Variants in HTR4 observed in about 807,000 individuals in gnomAD.
HTR4 encodes 5-hydroxytryptamine (serotonin) receptor 4, G protein-coupled.
In HTR4, 16 loss-of-function variants were observed where a neutral mutation model predicts 36.8. The observed-to-expected ratio is 0.43, with a 90% CI of 0.29 to 0.66. The LOEUF is 0.66. HTR4 is among the 30% of genes least tolerant of loss of function. The pLI is 0.13. For missense variants in HTR4, 438 were observed against 490.9 expected (o/e 0.89, Z 1.02); for synonymous variants, 189 against 185.1 (o/e 1.02, Z -0.17).
At chr5:148,452,529 A>G (rs1338420358) in intron 5 of HTR4, among the ~76,000 whole-genome samples, 2 of 152,194 alleles carry the variant, frequency 1.3e-5, no homozygotes, top group East Asian at 3.9e-4. Context: ...GTGTTGTACG[A>G]TACATAGCAC....
intron 2 of HTR4, among the ~76,000 whole-genome samples, chr5:148,590,287 C>CTTTTTTTTTTTTTTTTTTTTTTTTTTT (rs779077579): frequency 3.6e-4 from 12 of 33,336 alleles, no homozygotes; most frequent in East Asian, 1.8e-3. Flanking sequence ...TTTTTCTTTT[C>CTTTTTTTTTTTTTTTTTTTTTTTTTTT]TTTTTTTTTT....
intron 6 of HTR4, among the ~76,000 whole-genome samples, chr5:148,501,550 G>T (rs1756934025): frequency 6.6e-6 from 1 of 152,174 alleles, no homozygotes; most frequent in South Asian, 2.1e-4. Context: ...ATTAATTTTA[G>T]AATTTGTTAA....
chr5:148,515,931 T>G (rs148557745), intron 5 of HTR4, among the ~76,000 whole-genome samples: 2,165 of 151,644 alleles, frequency 0.014, 26 homozygotes, highest in Middle Eastern at 0.049. Context: ...TGAATTCAAA[T>G]AGAATACTGA....
chr5:148,486,853 C>CTTT (rs1756182478), intron 6 of HTR4, among the ~76,000 whole-genome samples: 1 of 152,066 alleles, frequency 6.6e-6, no homozygotes, highest in Admixed American at 6.6e-5. Flanking sequence ...AGCTGTTAAA[C>CTTT]GTATTTGGGT....
At chr5:148,469,596 G>A (rs1240889382) in intron 5 of HTR4, among the ~76,000 whole-genome samples, 1 of 152,180 alleles carries the variant, frequency 6.6e-6, no homozygotes, top group Non-Finnish European at 1.5e-5. Flanking sequence ...CGGGGGTTGT[G>A]TTTGTTTGGT....
chr5:148,511,022 C>G (rs1757472689), intron 5 of HTR4, among the ~76,000 whole-genome samples: 1 of 152,208 alleles, frequency 6.6e-6, no homozygotes, highest in Non-Finnish European at 1.5e-5. Flanking sequence ...CCAGTCTCTC[C>G]TGAACCCACT....
intron 6 of HTR4, among the ~76,000 whole-genome samples, chr5:148,487,698 C>T (rs980386205): frequency 3.3e-5 from 5 of 150,554 alleles, no homozygotes; most frequent in Non-Finnish European, 4.4e-5. Flanking sequence ...GAGATAGAGA[C>T]AGTAGAGAGA....
intron 2 of HTR4, among the ~76,000 whole-genome samples, chr5:148,560,987 A>C (rs894895502): frequency 2.0e-5 from 3 of 152,338 alleles, no homozygotes; most frequent in African/African-American, 7.2e-5. Context: ...AGGAGAAAAA[A>C]GGAATAAACC....
At chr5:148,648,498 A>G (rs888879585) in intron 1 of HTR4, among the ~76,000 whole-genome samples, 4 of 152,158 alleles carry the variant, frequency 2.6e-5, no homozygotes, top group Non-Finnish European at 5.9e-5. Context: ...ATGTGCAGGA[A>G]CCTCAAAAAG....
intron 5 of HTR4, 131 bp downstream of exon 5, chr5:148,523,062 T>C: frequency 1.4e-6 from 1 of 714,648 alleles, no homozygotes; most frequent in Non-Finnish European, 2.1e-6. Context: ...GTGTTAGCTT[T>C]AAAAAAAAAA....
intron 4 of HTR4, among the ~76,000 whole-genome samples, chr5:148,538,100 C>T (rs1417185673): frequency 6.6e-6 from 1 of 152,068 alleles, no homozygotes. Context: ...AAATGTGATT[C>T]ATCACATAAA....
At chr5:148,590,287 C>CTTTTTTTTTTTT (rs779077579) in intron 2 of HTR4, among the ~76,000 whole-genome samples, 404 of 33,410 alleles carry the variant, frequency 0.012, 12 homozygotes, top group Non-Finnish European at 0.015. Context: ...TTTTTCTTTT[C>CTTTTTTTTTTTT]TTTTTTTTTT....
intron 2 of HTR4, among the ~76,000 whole-genome samples, chr5:148,590,711 G>T (rs138555368): frequency 6.6e-6 from 1 of 151,694 alleles, no homozygotes; most frequent in African/African-American, 2.4e-5. Context: ...CAACATTGAT[G>T]TTGAAATATT....
Position 148,633,226 on chromosome 5 carries a change from G to T in HTR4, c.26+3763C>A, listed in dbSNP as rs565762394. On this transcript the variant is annotated intron_variant, in intron 2 of 6. Transcript: ENST00000377888. ...TTTTCATCATGATTCAATCCATCCT[G>T]CATCAACTGCTTTCTCTGCTATGGA... Among the ~76,000 whole-genome samples the T allele has an allele frequency of 2.0e-5, 3 of 152,176 alleles. 1 individual carries two copies. The East Asian group carries it at 5.8e-4, about 29-fold the overall frequency.
chr5:148,485,777 G>A (rs932285473), intron 6 of HTR4, among the ~76,000 whole-genome samples: 4 of 152,182 alleles, frequency 2.6e-5, no homozygotes, highest in Admixed American at 2.0e-4. Flanking sequence ...TAAAGAATGA[G>A]GGGTGAGGAT....
In HTR4 at chr5:148,590,287, CTTTTTTTTTTT is replaced by C. The variant is rs779077579; in HGVS notation, c.27-40036_27-40026del. 2.1e-4 allele frequency among the ~76,000 whole-genome samples: 7 copies of C among 33,334 alleles called. No individual in the cohort carries two copies. The South Asian group carries it at 4.3e-3, about 21-fold the overall frequency. The allele number at this position is 33,334 out of a possible 152,430, so 21.9% of individuals were successfully genotyped here. The stretch of plus-strand genomic sequence containing the variant: ...GTATTATTATTTTCTTTTTTCTTTT[CTTTTTTTTTTT>C]TTTTTTTTTTTTTTTTTGAGACAGA... On this transcript the variant is annotated intron_variant, in intron 2 of 6. Coordinates refer to ENST00000377888, the MANE Select transcript of HTR4 (RefSeq NM_000870.7).
At chr5:148,497,589 ATTTC>A (rs945431312) in intron 6 of HTR4, among the ~76,000 whole-genome samples, 2 of 152,162 alleles carry the variant, frequency 1.3e-5, no homozygotes, top group African/African-American at 4.8e-5. Flanking sequence ...TCATTAGGTT[ATTTC>A]TTTTCTTCTC....
chr5:148,474,177 G>A (rs753302720), downstream of HTR4, among the ~76,000 whole-genome samples: 2 of 152,160 alleles, frequency 1.3e-5, no homozygotes, highest in Admixed American at 6.5e-5. Context: ...TCTGCTCAGC[G>A]AGCCAAGGCC....
chr5:148,565,650 A>G (rs568345496), intron 2 of HTR4, among the ~76,000 whole-genome samples: 1 of 152,274 alleles, frequency 6.6e-6, no homozygotes, highest in African/African-American at 2.4e-5. Flanking sequence ...ACCAACATGT[A>G]TACACTCACA....
Sources: gnomAD v4.1 joint callset for allele counts (sites outside exome capture counted in the v4.1 genomes callset) on GRCh38, gnomAD v4.1.1 for gene constraint, MANE v1.5 for transcripts, NCBI Gene and HGNC (gene_info 2026-07-23, HGNC 2026-07-21) for gene names.